The following BABAM2 variants were observed in gnomAD, a reference collection of about 807,000 sequenced individuals.
The protein encoded by BABAM2 is BRISC and BRCA1 A complex member 2, also known as BRISC and BRCA1-A complex member 2.
A neutral mutation model predicts 54.7 loss-of-function variants in BABAM2; 31 were observed. The observed-to-expected ratio is 0.57, with a 90% CI of 0.43 to 0.77. The LOEUF is 0.77. Among genes scored for constraint, BABAM2 ranks in the 30% least tolerant of loss-of-function variants. The pLI is 0.00. For synonymous variants in BABAM2, 167 were observed against 162.9 expected (o/e 1.03, Z -0.19); for missense variants, 364 against 455.8 (o/e 0.80, Z 1.83).
chr2:27,927,007 C>A (rs1406078360), intron 2 of BABAM2, among the ~76,000 whole-genome samples: 1 of 152,264 alleles, frequency 6.6e-6, no homozygotes, highest in Non-Finnish European at 1.5e-5. Flanking sequence ...TAGTCATCTA[C>A]AGTGGTATAG....
intron 6 of BABAM2, among the ~76,000 whole-genome samples, chr2:28,083,865 T>G (rs1040556181): frequency 6.6e-6 from 1 of 152,218 alleles, no homozygotes; most frequent in Admixed American, 6.5e-5. Context: ...CACAGTGACC[T>G]GTGTTAAGTA....
intron 3 of BABAM2, among the ~76,000 whole-genome samples, chr2:27,978,730 T>G (rs1056803926): frequency 3.9e-5 from 6 of 152,168 alleles, no homozygotes; most frequent in Admixed American, 1.3e-4. Context: ...TACAAAAGAT[T>G]TAGTCACCTA....
chr2:28,010,682 T>C (rs1382049881), intron 4 of BABAM2, among the ~76,000 whole-genome samples: 2 of 152,166 alleles, frequency 1.3e-5, no homozygotes, highest in Non-Finnish European at 2.9e-5. Context: ...AGAGAATTAA[T>C]TGGCTTAGAG....
intron 4 of BABAM2, among the ~76,000 whole-genome samples, chr2:27,999,468 ATAG>A (rs1156739713): frequency 3.3e-5 from 5 of 152,222 alleles, no homozygotes; most frequent in African/African-American, 9.6e-5. Context: ...GCATAGGCAA[ATAG>A]TAGAAAATAC....
chr2:27,940,465 C>T (rs970829697), intron 3 of BABAM2, among the ~76,000 whole-genome samples: 4 of 152,064 alleles, frequency 2.6e-5, no homozygotes, highest in African/African-American at 2.4e-5. Context: ...AAGAATGAGC[C>T]GTGTTCATTC....
At chr2:28,113,286 G>A (rs947452052) in intron 6 of BABAM2, among the ~76,000 whole-genome samples, 1 of 151,956 alleles carries the variant, frequency 6.6e-6, no homozygotes, top group African/African-American at 2.4e-5. Context: ...CCATGCCTGT[G>A]TCCTGATGGA....
At chr2:28,150,034 G>A (rs1285202029) in intron 7 of BABAM2, among the ~76,000 whole-genome samples, 1 of 152,070 alleles carries the variant, frequency 6.6e-6, no homozygotes, top group Non-Finnish European at 1.5e-5. Context: ...TACTTGTCTC[G>A]AATCTTAACC....
chr2:28,169,728 A>G (rs551036961), intron 7 of BABAM2, among the ~76,000 whole-genome samples: 1 of 151,574 alleles, frequency 6.6e-6, no homozygotes, highest in Non-Finnish European at 1.5e-5. Context: ...ATGAGCTGTG[A>G]TTGTACCAAT....
At chr2:27,913,809 G>A (rs2148312202) in intron 2 of BABAM2, among the ~76,000 whole-genome samples, 1 of 152,258 alleles carries the variant, frequency 6.6e-6, no homozygotes, top group East Asian at 1.9e-4. Flanking sequence ...AAGCTGTAAT[G>A]TAGTTATATT....
intron 3 of BABAM2, among the ~76,000 whole-genome samples, chr2:27,985,563 G>A (rs1672339961): frequency 6.6e-6 from 1 of 152,008 alleles, no homozygotes; most frequent in Non-Finnish European, 1.5e-5. Flanking sequence ...TCAGTTCAGA[G>A]AATAGAATTT....
intron 6 of BABAM2, among the ~76,000 whole-genome samples, chr2:28,048,657 A>G (rs982522557): frequency 3.9e-5 from 6 of 152,178 alleles, no homozygotes; most frequent in Non-Finnish European, 1.5e-5. Context: ...GCGTAGACCA[A>G]CTGTCTTATG....
chr2:28,172,629 C>G (rs1674481596), intron 7 of BABAM2, among the ~76,000 whole-genome samples: 1 of 152,166 alleles, frequency 6.6e-6, no homozygotes, highest in Non-Finnish European at 1.5e-5. Flanking sequence ...TGGCTGTTCT[C>G]AGAGTACTGT....
At chr2:28,003,591 A>G (rs534144605) in intron 4 of BABAM2, among the ~76,000 whole-genome samples, 2 of 152,298 alleles carry the variant, frequency 1.3e-5, no homozygotes, top group Non-Finnish European at 1.5e-5. Context: ...CCCTGTCTCA[A>G]AAACAACAAA....
intron 7 of BABAM2, among the ~76,000 whole-genome samples, chr2:28,218,527 A>G (rs771287424): frequency 6.6e-6 from 1 of 152,174 alleles, no homozygotes; most frequent in Non-Finnish European, 1.5e-5. Context: ...ATGCTTCCTC[A>G]TAATCGGATT....
intron 3 of BABAM2, among the ~76,000 whole-genome samples, chr2:27,961,846 G>A (rs1399763776): frequency 1.3e-5 from 2 of 148,740 alleles, no homozygotes; most frequent in African/African-American, 5.0e-5. Flanking sequence ...TCCCATCTCA[G>A]CCTCCTGAGT....
chr2:27,940,078 T>C (rs1471454503), intron 3 of BABAM2, among the ~76,000 whole-genome samples: 1 of 152,202 alleles, frequency 6.6e-6, no homozygotes, highest in African/African-American at 2.4e-5. Flanking sequence ...AATCTCACAA[T>C]TGCAGAAGAC....
At chr2:27,942,932 T>C (rs900723191) in intron 3 of BABAM2, among the ~76,000 whole-genome samples, 3 of 151,888 alleles carry the variant, frequency 2.0e-5, no homozygotes, top group Admixed American at 6.6e-5. Context: ...GCCTCCCGAG[T>C]AGCTGGGACT....
At chr2:28,086,451 T>A (rs1211135634) in intron 6 of BABAM2, among the ~76,000 whole-genome samples, 1 of 152,234 alleles carries the variant, frequency 6.6e-6, no homozygotes, top group Non-Finnish European at 1.5e-5. Context: ...CAGTTTTACT[T>A]TACAGATGGA....
At chr2:28,014,637 A>G (rs924004312) in intron 4 of BABAM2, among the ~76,000 whole-genome samples, 1 of 137,562 alleles carries the variant, frequency 7.3e-6, no homozygotes, top group East Asian at 2.1e-4. Flanking sequence ...CAACTTGTTT[A>G]TGGTTAAGTC....
Sources: gnomAD v4.1 joint callset for allele counts (sites outside exome capture counted in the v4.1 genomes callset) on GRCh38, gnomAD v4.1.1 for gene constraint, MANE v1.5 for transcripts, NCBI Gene and HGNC (gene_info 2026-07-23, HGNC 2026-07-21) for gene names.